UPF2: variants seen among roughly 807,000 people sequenced by gnomAD.
UPF2 encodes the protein UPF2 regulator of nonsense mediated mRNA decay, also known as regulator of nonsense transcripts 2.
In UPF2, 17 loss-of-function variants were observed where a neutral mutation model predicts 141.4. The ratio of observed to expected loss-of-function variants is 0.12; its 90% confidence interval spans 0.08 to 0.18. UPF2 has a LOEUF of 0.18. Ranked by LOEUF, UPF2 falls within the 10% of genes least tolerant of loss-of-function variation. The pLI is 1.00. For missense variants in UPF2, 1,152 were observed against 1,515.9 expected (o/e 0.76, Z 3.99); for synonymous variants, 540 against 498.0 (o/e 1.08, Z -1.12).
intron 9 of UPF2, among the ~76,000 whole-genome samples, chr10:11,976,722 A>C (rs1487128491): frequency 3.3e-5 from 5 of 152,196 alleles, no homozygotes; most frequent in Non-Finnish European, 5.9e-5. Flanking sequence ...GCCAATCCCA[A>C]CAAAGAAACT....
rs1833082792 is a variant in UPF2 at position 11,952,131 on chromosome 10, C to G, written c.2969G>C (p.Cys990Ser). ...CCTGATGGATTCTTCCAGAGAATTACAGAGTTTGATCTTTGGTCTTAGCAG... is the reference window on the plus strand; with the variant it reads ...CCTGATGGATTCTTCCAGAGAATTAGAGAGTTTGATCTTTGGTCTTAGCAG... ...LELLRPKIKL[C>S]NSLEESIRQV... The change falls in exon 15 of 22, where the codon TGT becomes TCT. Residue 990 changes from cysteine to serine, a missense_variant. Cys to Ser is a moderately radical substitution (Grantham distance 112). Around this residue, in one of 4 missense-constraint regions of UPF2, gnomAD observed 202 missense variants for 223.6 expected, o/e 0.90. Transcript: ENST00000357604. The G allele has an allele frequency of 6.2e-7, 1 of 1,614,082 alleles. No homozygotes were observed. The highest frequency in any genetic ancestry group is 8.5e-7 in the Non-Finnish European group (1 of 1,179,972).
chr10:12,041,128 T>C (rs1239437241), intron 1 of UPF2, among the ~76,000 whole-genome samples: 2 of 152,238 alleles, frequency 1.3e-5, no homozygotes, highest in East Asian at 3.8e-4. Flanking sequence ...CTTAAAAAAC[T>C]GAGCACTAAG....
rs950197503 is a variant in UPF2 at position 11,950,069 on chromosome 10, TAA to T, written c.3035-1563_3035-1562del. ...GAAAATCACAAACACAAAAAAAATT[TAA>T]AAAGAGTAGAAAAATATGTATTAAA... On this transcript the variant is annotated intron_variant, in intron 15 of 21. Transcript: ENST00000357604. Among the ~76,000 whole-genome samples the T allele has an allele frequency of 2.6e-5, 4 of 152,120 alleles. No homozygotes were observed. In the East Asian group the frequency reaches 5.8e-4, roughly 22 times the overall value.
Position 11,931,735 on chromosome 10 carries a change from G to C in UPF2, c.3594C>G (p.His1198Gln). Residue 1198 changes from histidine to glutamine, a missense_variant, in exon 20 of 22, where the codon CAC becomes CAG. By Grantham distance (24) the His-to-Gln change is conservative. Transcript: ENST00000357604. The surrounding 1 kb of genome is among the most constrained non-coding windows in gnomAD (Gnocchi z 5.9). ...CTTGTTCTGCCTGTTGCTGGTTCCA[G>C]TGATTTGCAGCAAGTTGAGAGGACA... ...VPMSSQLAAN[H>Q]WNQQQAEQEE... The C allele has an allele frequency of 6.2e-7, 1 of 1,613,640 alleles. No homozygotes were observed. The highest frequency in any genetic ancestry group is 1.1e-5 in the South Asian group (1 of 90,932).
At chr10:11,922,268 G>A (rs1474592786) in intron 21 of UPF2, among the ~76,000 whole-genome samples, 1 of 152,192 alleles carries the variant, frequency 6.6e-6, no homozygotes, top group Admixed American at 6.5e-5. Flanking sequence ...TAAGCTACTA[G>A]GGCTGTAATA....
intron 15 of UPF2, 173 bp downstream of exon 15, chr10:11,951,893 A>C: frequency 1.7e-6 from 1 of 592,274 alleles, no homozygotes; most frequent in Non-Finnish European, 2.8e-6. Flanking sequence ...GTTTGAAATT[A>C]CTTAGTGAAA....
intron 1 of UPF2, among the ~76,000 whole-genome samples, chr10:12,037,765 C>T (rs1158707323): frequency 1.3e-5 from 2 of 151,922 alleles, no homozygotes; most frequent in Non-Finnish European, 2.9e-5. Context: ...AATTACAGCA[C>T]TTAAAACTAG....
At chr10:11,934,276 C>CTTA (rs1345597586) in intron 19 of UPF2, among the ~76,000 whole-genome samples, 2 of 152,174 alleles carry the variant, frequency 1.3e-5, no homozygotes, top group East Asian at 3.8e-4. Flanking sequence ...GGACAGCAGT[C>CTTA]TTAGCAAAGA....
At position 12,042,016 on chromosome 10, in the gene UPF2, G is replaced by A. The variant is rs1488298383; in HGVS notation, c.-19+739C>T. Among the ~76,000 whole-genome samples the A allele has an allele frequency of 6.6e-6, 1 of 152,176 alleles. No individual in the cohort carries two copies. Among genetic ancestry groups the A allele is most frequent in the Non-Finnish European group, 1.5e-5 (1 of 68,038 alleles). On this transcript the variant is annotated intron_variant, in intron 1 of 21. Coordinates refer to ENST00000357604, the MANE Select transcript of UPF2 (RefSeq NM_015542.4). This position sits in a 1 kb window ranked among gnomAD's most constrained non-coding sequence, Gnocchi z 5.5. ...CTTAGTCCAACAGTCCTAGCAAGAA[G>A]AGAGTGCTTGGCGCCTTGAAGAGGT...
intron 8 of UPF2, among the ~76,000 whole-genome samples, chr10:11,983,057 G>A (rs1833625620): frequency 1.3e-5 from 2 of 152,212 alleles, no homozygotes; most frequent in African/African-American, 4.8e-5. Flanking sequence ...CACTCAAACA[G>A]TGCCTGGAAC....
At chr10:11,965,484 G>A (rs1212983144) in intron 10 of UPF2, among the ~76,000 whole-genome samples, 1 of 151,762 alleles carries the variant, frequency 6.6e-6, no homozygotes, top group African/African-American at 2.4e-5. Flanking sequence ...TTTTGAGATG[G>A]AGGCTGGCTC....
rs966370220 is a variant in UPF2 at position 11,992,860 on chromosome 10, A to T, written c.1844+4812T>A. The stretch of plus-strand genomic sequence containing the variant: ...GTATACCAAACGCAAATAAAAAGAA[A>T]GCAGCAGTCAGGCGCAGGTGGCTCA... On this transcript the variant is annotated intron_variant, in intron 8 of 21. Coordinates refer to ENST00000357604, the MANE Select transcript of UPF2 (RefSeq NM_015542.4). The surrounding 1 kb of genome is among the most constrained non-coding windows in gnomAD (Gnocchi z 4.1). Among the ~76,000 whole-genome samples the T allele has an allele frequency of 6.6e-6, 1 of 152,176 alleles. No homozygotes were observed. Among genetic ancestry groups the T allele is most frequent in the Non-Finnish European group, 1.5e-5 (1 of 68,030 alleles).
At chr10:11,965,376 T>A (rs1833301885) in intron 10 of UPF2, among the ~76,000 whole-genome samples, 1 of 152,242 alleles carries the variant, frequency 6.6e-6, no homozygotes, top group Non-Finnish European at 1.5e-5. Context: ...TACCTAAATA[T>A]ACTTATCAGT....
intron 7 of UPF2, 55 bp downstream of exon 7, chr10:11,999,849 CAG>C: frequency 1.5e-6 from 2 of 1,358,718 alleles, no homozygotes; most frequent in Non-Finnish European, 1.1e-6. Context: ...CATTCCTTAT[CAG>C]AGGACTCCTA....
At position 12,014,182 on chromosome 10, in the gene UPF2, C is replaced by T. The variant is rs745375819; in HGVS notation, c.1148G>A (p.Arg383His). 24 of 1,410,288 alleles carry T rather than the reference C, an allele frequency of 1.7e-5. No homozygotes were observed. The highest frequency in any genetic ancestry group is 1.2e-4 in the South Asian group (7 of 57,568). The allele number at this position is 1,410,288 out of a possible 1,614,324, so 87.4% of individuals were successfully genotyped here. Residue 383 changes from arginine (R) to histidine (H), a missense_variant and splice_region_variant, in exon 4 of 22, where the codon CGC becomes CAC. By Grantham distance (29) the Arg-to-His change is conservative. This residue lies in a region of UPF2 where 739 missense variants were observed against 1,032.2 expected (regional missense o/e 0.72). Transcript: ENST00000357604. This position sits in a 1 kb window ranked among gnomAD's most constrained non-coding sequence, Gnocchi z 5.0. ...ELQNTERQNR[R>H]ILHSKGELSE... is the part of the protein sequence containing the mutation. ...GAGCTCCCCTTTAGAATGTAGAATGCGCCTATAAACAAATGAAATCATCTG... is the reference window on the plus strand; with the variant it reads ...GAGCTCCCCTTTAGAATGTAGAATGTGCCTATAAACAAATGAAATCATCTG...
rs1439834388 is a variant in UPF2 at position 11,980,988 on chromosome 10, G to T, written c.1845-1823C>A. On this transcript the variant is annotated intron_variant, in intron 8 of 21. Transcript: ENST00000357604. The surrounding 1 kb of genome is among the most constrained non-coding windows in gnomAD (Gnocchi z 4.2). ...GGATCACCTGAGGTGAGGAGTTCAAGACCAGCCTGGCCAACATGGTGAAAC... is the reference window on the plus strand; with the variant it reads ...GGATCACCTGAGGTGAGGAGTTCAATACCAGCCTGGCCAACATGGTGAAAC... 2.0e-5 allele frequency among the ~76,000 whole-genome samples: 3 copies of T among 151,964 alleles called. No individual in the cohort carries two copies. Among genetic ancestry groups the T allele is most frequent in the African/African-American group, 4.8e-5 (2 of 41,362 alleles).
In UPF2 at chr10:11,956,609, C is replaced by T; in HGVS notation, c.2371-86G>A. The T allele has an allele frequency of 2.4e-6, 3 of 1,271,446 alleles. No homozygotes were observed. The highest frequency in any genetic ancestry group is 3.3e-6 in the Non-Finnish European group (3 of 906,740). 78.8% of individuals were successfully genotyped at this position (1,271,446 alleles called of 1,614,324 possible). A position where few individuals can be genotyped will look rare whatever the true frequency, so the allele number is the denominator to read the frequency against. On this transcript the variant is annotated intron_variant, in intron 12 of 21. Coordinates refer to ENST00000357604, the MANE Select transcript of UPF2 (RefSeq NM_015542.4). This position sits in a 1 kb window ranked among gnomAD's most constrained non-coding sequence, Gnocchi z 4.2. ...ATACAGAAATTTTGCTATGATTGCG[C>T]AGAGAACTTTTGAAATAGAAAATAC... is the stretch of plus-strand genomic sequence containing the variant.
At chr10:11,997,161 C>G (rs1337254179) in intron 8 of UPF2, among the ~76,000 whole-genome samples, 1 of 152,116 alleles carries the variant, frequency 6.6e-6, no homozygotes, top group East Asian at 1.9e-4. Flanking sequence ...GAATGTGTGT[C>G]TTGAATTACT....
Position 11,980,222 on chromosome 10 carries a change from T to C in UPF2, c.1845-1057A>G, listed in dbSNP as rs1203526005. On this transcript the variant is annotated intron_variant, in intron 8 of 21. Transcript: ENST00000357604. This position sits in a 1 kb window ranked among gnomAD's most constrained non-coding sequence, Gnocchi z 4.2. ...TAAAATTTATTTTCCATTCCTGCCA[T>C]AGATGTTATTTTGTAAAACCTGATT... Among the ~76,000 whole-genome samples the C allele has an allele frequency of 6.6e-6, 1 of 152,192 alleles. No homozygotes were observed. Among genetic ancestry groups the C allele is most frequent in the Non-Finnish European group, 1.5e-5 (1 of 68,040 alleles).
Sources: gnomAD v4.1 joint callset for allele counts (sites outside exome capture counted in the v4.1 genomes callset) on GRCh38, gnomAD v4.1.1 for gene constraint, gnomAD v4.1.1 regional missense constraint, Gnocchi (gnomAD v3.1) non-coding constraint, MANE v1.5 for transcripts, NCBI Gene and HGNC (gene_info 2026-07-23, HGNC 2026-07-21) for gene names.